Variants in NR2F1 observed in about 807,000 individuals in gnomAD.
The protein encoded by NR2F1 is COUP transcription factor 1.
In NR2F1, 1 loss-of-function variant was observed where a neutral mutation model predicts 37.7. The observed-to-expected ratio is 0.03, with a 90% CI of 0.01 to 0.13. The LOEUF is 0.13. Ranked by LOEUF, NR2F1 falls within the 10% of genes least tolerant of loss-of-function variation. NR2F1 has a pLI of 1.00. For synonymous variants in NR2F1, 275 were observed against 259.6 expected, an observed-to-expected ratio of 1.06 and a Z score of -0.57; for missense variants, 268 against 578.4, an observed-to-expected ratio of 0.46 and a Z score of 5.50.
At chr5:93,587,047 A>C (rs1753244726) in intron 1 of NR2F1, 1 of 152,010 alleles carries the variant, frequency 6.6e-6, no homozygotes, top group Admixed American at 6.5e-5. Flanking sequence ...TTTAAAAAAA[A>C]AAAAAAAAAA....
chr5:93,585,858 G>T (rs1284149888), intron 1 of NR2F1, among the ~76,000 whole-genome samples: 1 of 151,924 alleles, frequency 6.6e-6, no homozygotes, highest in African/African-American at 2.4e-5. Flanking sequence ...GTGCTGGCAT[G>T]AACTTGGGGA....
In NR2F1 at chr5:93,588,440, G is replaced by C; in HGVS notation, c.987G>C (p.Thr329=). The C allele has an allele frequency of 6.3e-7, 1 of 1,587,696 alleles. No individual in the cohort carries two copies. The highest frequency in any genetic ancestry group is 8.6e-7 in the Non-Finnish European group (1 of 1,162,104). ...YSCLKAIVLF[T]SDACGLSDAA... ...GCCTCAAAGCCATCGTGCTGTTCACGTCAGGTGAGGCTGCGGTCGCGGGGA... is the reference window on the plus strand; with the variant it reads ...GCCTCAAAGCCATCGTGCTGTTCACCTCAGGTGAGGCTGCGGTCGCGGGGA... Residue 329 remains threonine (T), a synonymous_variant, in exon 2 of 3, where the codon ACG becomes ACC. Coordinates refer to ENST00000327111, the MANE Select transcript of NR2F1 (RefSeq NM_005654.6).
At chr5:93,588,946 T>A (rs1753284796) in intron 2 of NR2F1, among the ~76,000 whole-genome samples, 1 of 151,992 alleles carries the variant, frequency 6.6e-6, no homozygotes, top group Non-Finnish European at 1.5e-5. Flanking sequence ...TGAATGAATT[T>A]CCCGACACAG....
chr5:93,588,270 G>T lies in NR2F1; in HGVS notation c.817G>T (p.Val273Leu). Residue 273 changes from valine (V) to leucine (L), a missense_variant, in exon 2 of 3, where the codon GTG (valine) becomes TTG (leucine). By Grantham distance (32) the Val-to-Leu change is conservative. Coordinates refer to ENST00000327111, the MANE Select transcript of NR2F1 (RefSeq NM_005654.6). ...NAAQCSMPLH[V>L]APLLAAAGLH... ...GGCCCAGTGCTCTATGCCGCTGCAC[G>T]TGGCGCCGTTGCTGGCCGCCGCCGG... 1 of 1,613,330 alleles carries T rather than the reference G, an allele frequency of 6.2e-7. No individual in the cohort carries two copies. The highest frequency in any genetic ancestry group is 8.5e-7 in the Non-Finnish European group (1 of 1,179,836).
At chr5:93,588,720 C>T (rs549908306) in intron 2 of NR2F1, among the ~76,000 whole-genome samples, 2 of 151,312 alleles carry the variant, frequency 1.3e-5, no homozygotes, top group African/African-American at 4.8e-5. Context: ...CGTGGGGCCG[C>T]GGCTGCCGAG....
Position 93,584,959 on chromosome 5 carries a change from C to A in NR2F1, c.-65C>A. ...CCCTTCCCCTTCCCCTCCCAGCGCG[C>A]CCGCGCGCCCCGCGGCCCTCGGCGA... On this transcript the variant is annotated 5_prime_UTR_variant, in exon 1 of 3. Transcript: ENST00000327111. The A allele has an allele frequency of 1.5e-6, 1 of 660,706 alleles. No individual in the cohort carries two copies. The highest frequency in any genetic ancestry group is 1.9e-6 in the Non-Finnish European group (1 of 536,030). 40.9% of individuals were successfully genotyped at this position (660,706 alleles called of 1,614,324 possible).
intron 2 of NR2F1, among the ~76,000 whole-genome samples, chr5:93,590,322 C>A (rs983449868): frequency 6.6e-6 from 1 of 152,196 alleles, no homozygotes; most frequent in Admixed American, 6.5e-5. Flanking sequence ...GTTCTTTGAA[C>A]CCCCTTGACT....
At chr5:93,588,576 C>G (rs1201928146) in intron 2 of NR2F1, 132 bp downstream of exon 2, 3 of 489,462 alleles carry the variant, frequency 6.1e-6, no homozygotes. Context: ...GACACTGAGC[C>G]TGGCCCGGGT....
chr5:93,591,571 T>C (rs1397995704), intron 2 of NR2F1, among the ~76,000 whole-genome samples: 1 of 152,170 alleles, frequency 6.6e-6, no homozygotes, highest in African/African-American at 2.4e-5. Context: ...CTGGGCTTCT[T>C]GTCTCTCTTG....
At position 93,593,474 on chromosome 5, in the gene NR2F1, A is replaced by G; in HGVS notation, c.992-88A>G. On this transcript the variant is annotated intron_variant, in intron 2 of 2. Transcript: ENST00000327111. The surrounding 1 kb of genome is among the most constrained non-coding windows in gnomAD (Gnocchi z 5.6). ...TATTTTCCATTTTCTCCTTAAAAAA[A>G]ATTGATGGCTTATTTTGCCTTTGCT... is the stretch of plus-strand genomic sequence containing the variant. The G allele has an allele frequency of 7.3e-7, 1 of 1,376,916 alleles. No homozygotes were observed. The highest frequency in any genetic ancestry group is 2.3e-5 in the East Asian group (1 of 43,348). The allele number at this position is 1,376,916 out of a possible 1,614,324, so 85.3% of individuals were successfully genotyped here.
At chr5:93,590,647 T>C (rs1163127029) in intron 2 of NR2F1, among the ~76,000 whole-genome samples, 1 of 152,244 alleles carries the variant, frequency 6.6e-6, no homozygotes, top group Non-Finnish European at 1.5e-5. Flanking sequence ...TAAACTTGTT[T>C]TGATTGCTAG....
intron 1 of NR2F1, 175 bp downstream of exon 1, chr5:93,585,661 G>A (rs1403364259): frequency 2.1e-6 from 1 of 473,744 alleles, no homozygotes; most frequent in Non-Finnish European, 3.5e-6. Flanking sequence ...GCCCTCCCCA[G>A]CTCGCTGCCG....
At chr5:93,591,811 C>G (rs1263369259) in intron 2 of NR2F1, among the ~76,000 whole-genome samples, 2 of 152,124 alleles carry the variant, frequency 1.3e-5, no homozygotes, top group Non-Finnish European at 2.9e-5. Flanking sequence ...AATTATGGGT[C>G]TGGGTCTGAG....
chr5:93,587,175 G>C (rs2149942557), intron 1 of NR2F1: 1 of 152,290 alleles, frequency 6.6e-6, no homozygotes, highest in South Asian at 2.1e-4. Context: ...CTGGCTGCAG[G>C]TTGCAGTGGC....
rs1255926321 is a variant in NR2F1, at chr5:93,585,186, C to G, written c.163C>G (p.Pro55Ala). 1 of 1,518,194 alleles carries G rather than the reference C, an allele frequency of 6.6e-7. No individual in the cohort carries two copies. Among genetic ancestry groups the G allele is most frequent in the African/African-American group, 1.4e-5 (1 of 72,052 alleles). 94.0% of individuals were successfully genotyped at this position (1,518,194 alleles called of 1,614,324 possible). ...GSGAPHTPQT[P>A]GQPGAPATPG... ...GGGCGCGCCGCACACGCCGCAGACC[C>G]CGGGCCAGCCCGGAGCGCCCGCCAC... The change falls in exon 1 of 3, where the codon CCG becomes GCG. Residue 55 changes from proline (P) to alanine (A), a missense_variant. Around this residue, in one of 5 missense-constraint regions of NR2F1, gnomAD observed 90 missense variants for 106.5 expected, o/e 0.85. Transcript: ENST00000327111.
intron 2 of NR2F1, among the ~76,000 whole-genome samples, chr5:93,590,997 G>T (rs1182194712): frequency 6.6e-6 from 1 of 152,194 alleles, no homozygotes; most frequent in Non-Finnish European, 1.5e-5. Context: ...TCCATTTTCA[G>T]CACAATAATA....
intron 2 of NR2F1, among the ~76,000 whole-genome samples, chr5:93,590,699 C>T (rs1389099066): frequency 6.6e-6 from 1 of 152,176 alleles, no homozygotes; most frequent in Non-Finnish European, 1.5e-5. Context: ...AGTCATCCAA[C>T]TTTTAAGCAA....
At chr5:93,591,946 T>A (rs1753338284) in intron 2 of NR2F1, 2 of 152,182 alleles carry the variant, frequency 1.3e-5, no homozygotes, top group Non-Finnish European at 2.9e-5. Flanking sequence ...TCATTTGGCT[T>A]CCCATATCAG....
intron 1 of NR2F1, chr5:93,587,024 T>C (rs1411995517): frequency 4.9e-5 from 7 of 144,300 alleles, no homozygotes; most frequent in Non-Finnish European, 1.1e-4. Context: ...ACTGTTGAAG[T>C]AAAACATACA....
Sources: allele counts gnomAD v4.1 joint callset (sites outside exome capture counted in the v4.1 genomes callset), GRCh38; gene constraint gnomAD v4.1.1; regional missense constraint gnomAD v4.1.1; non-coding constraint Gnocchi (gnomAD v3.1); transcripts MANE v1.5; gene names NCBI Gene and HGNC (gene_info 2026-07-23, HGNC 2026-07-21).